The following EPHA6 variants were observed in gnomAD, a reference collection of about 807,000 sequenced individuals.
The protein encoded by EPHA6 is EPH receptor A6.
Under a neutral mutation model 112.0 loss-of-function variants are expected in EPHA6, and 50 were observed. The ratio of observed to expected loss-of-function variants is 0.45; its 90% CI spans 0.36 to 0.56. The LOEUF is 0.56. Ranked by LOEUF, EPHA6 falls within the 20% of genes least tolerant of loss-of-function variation. The probability of loss-of-function intolerance (pLI) is 0.00; values close to 1 mark genes in which losing one functional copy is unlikely to be tolerated. For missense variants in EPHA6, 1,280 were observed against 1,417.4 expected (o/e 0.90, Z 1.56); for synonymous variants, 529 against 490.7 (o/e 1.08, Z -1.03).
chr3:97,576,757 C>T (rs1472671670), intron 11 of EPHA6, among the ~76,000 whole-genome samples: 1 of 151,856 alleles, frequency 6.6e-6, no homozygotes, highest in African/African-American at 2.4e-5. Context: ...TTATTAATCA[C>T]AATTCAACCT....
chr3:97,030,609 AG>A (rs1175986698), intron 3 of EPHA6, among the ~76,000 whole-genome samples: 2 of 152,042 alleles, frequency 1.3e-5, no homozygotes, highest in African/African-American at 4.8e-5. Flanking sequence ...GCTACTTCTT[AG>A]AACTTGGGTG....
intron 3 of EPHA6, among the ~76,000 whole-genome samples, chr3:97,055,306 T>G (rs2045816901): frequency 6.6e-6 from 1 of 152,098 alleles, no homozygotes. Flanking sequence ...ATAGCCTACC[T>G]CATTTAAGTC....
intron 10 of EPHA6, among the ~76,000 whole-genome samples, chr3:97,520,414 C>G (rs1288609919): frequency 6.6e-6 from 1 of 152,100 alleles, no homozygotes; most frequent in Admixed American, 6.5e-5. Flanking sequence ...TAATTAATTC[C>G]CTCTGCTTTT....
intron 10 of EPHA6, among the ~76,000 whole-genome samples, chr3:97,490,819 T>C (rs2091820103): frequency 6.6e-6 from 1 of 152,212 alleles, no homozygotes; most frequent in Admixed American, 6.5e-5. Context: ...TCCTGCACAG[T>C]TGCTCACAAG....
chr3:97,737,113 G>A (rs1423153023), intron 16 of EPHA6, among the ~76,000 whole-genome samples: 2 of 152,036 alleles, frequency 1.3e-5, no homozygotes, highest in Non-Finnish European at 2.9e-5. Flanking sequence ...GCATGAAATA[G>A]CTAGAGATTA....
chr3:96,876,807 T>A (rs2036984462), intron 2 of EPHA6, among the ~76,000 whole-genome samples: 1 of 152,150 alleles, frequency 6.6e-6, no homozygotes, highest in African/African-American at 2.4e-5. Flanking sequence ...TCTATCTCAC[T>A]TTTTCCTATT....
intron 3 of EPHA6, among the ~76,000 whole-genome samples, chr3:97,097,453 G>A (rs547928118): frequency 2.6e-5 from 4 of 151,492 alleles, no homozygotes; most frequent in South Asian, 4.1e-4. Flanking sequence ...TACATTGAAA[G>A]CATTGAATTT....
At chr3:97,589,761 A>G (rs1004409233) in intron 11 of EPHA6, among the ~76,000 whole-genome samples, 13 of 152,212 alleles carry the variant, frequency 8.5e-5, no homozygotes, top group Non-Finnish European at 1.5e-4. Context: ...GAATACTCTT[A>G]TTACATATAA....
chr3:97,706,088 A>G (rs1382437044), intron 14 of EPHA6, among the ~76,000 whole-genome samples: 3 of 152,236 alleles, frequency 2.0e-5, no homozygotes, highest in African/African-American at 7.2e-5. Context: ...CAGTGAATAT[A>G]TTATGCAAGT....
At chr3:97,667,980 T>A (rs948748618) in intron 14 of EPHA6, among the ~76,000 whole-genome samples, 12 of 152,226 alleles carry the variant, frequency 7.9e-5, no homozygotes, top group African/African-American at 2.9e-4. Flanking sequence ...AATTCCTTTG[T>A]TAATTTTTCT....
chr3:97,019,945 T>C (rs919749751), intron 3 of EPHA6, among the ~76,000 whole-genome samples: 36 of 152,354 alleles, frequency 2.4e-4, no homozygotes, highest in African/African-American at 7.9e-4. Context: ...TTCATGCTTT[T>C]TCGCATATAA....
intron 14 of EPHA6, 59 bp downstream of exon 14, chr3:97,638,141 T>A: frequency 8.0e-7 from 1 of 1,253,886 alleles, no homozygotes; most frequent in Non-Finnish European, 1.1e-6. Context: ...TTTAATGTCA[T>A]TAGAGTAATT....
chr3:97,162,742 C>CTA (rs2076444962), intron 3 of EPHA6, among the ~76,000 whole-genome samples: 1 of 152,088 alleles, frequency 6.6e-6, no homozygotes, highest in African/African-American at 2.4e-5. Flanking sequence ...TGTTCTGGGT[C>CTA]TATTTACTGG....
chr3:97,101,154 G>T (rs894399610), intron 3 of EPHA6, among the ~76,000 whole-genome samples: 1 of 151,796 alleles, frequency 6.6e-6, no homozygotes, highest in African/African-American at 2.4e-5. Context: ...AGTAAATTTT[G>T]AACATATAAA....
intron 3 of EPHA6, among the ~76,000 whole-genome samples, chr3:97,157,413 C>T (rs886386374): frequency 6.6e-6 from 1 of 151,968 alleles, no homozygotes; most frequent in Non-Finnish European, 1.5e-5. Context: ...TCAATATATA[C>T]CTGAAATAAT....
intron 2 of EPHA6, among the ~76,000 whole-genome samples, chr3:96,901,113 T>TG (rs1200862785): frequency 6.6e-6 from 1 of 152,184 alleles, no homozygotes; most frequent in Non-Finnish European, 1.5e-5. Flanking sequence ...ATTTGGTCTT[T>TG]GGGGGCAACC....
At chr3:97,038,034 A>C (rs1407909320) in intron 3 of EPHA6, among the ~76,000 whole-genome samples, 1 of 151,972 alleles carries the variant, frequency 6.6e-6, no homozygotes, top group Non-Finnish European at 1.5e-5. Context: ...TTTTTTATTG[A>C]TACATAATGT....
chr3:97,250,769 T>A (rs1216880341), intron 5 of EPHA6, among the ~76,000 whole-genome samples: 1 of 152,238 alleles, frequency 6.6e-6, no homozygotes, highest in Admixed American at 6.5e-5. Flanking sequence ...TTAACTGAAC[T>A]CTGCCTACAA....
chr3:96,995,300 T>C (rs1000875707), intron 3 of EPHA6, among the ~76,000 whole-genome samples: 4 of 152,070 alleles, frequency 2.6e-5, no homozygotes, highest in South Asian at 4.1e-4. Context: ...TTTGAGGATA[T>C]GATGAAAAGC....
Sources: gnomAD v4.1 joint callset for allele counts (sites outside exome capture counted in the v4.1 genomes callset) on GRCh38, gnomAD v4.1.1 for gene constraint, MANE v1.5 for transcripts, NCBI Gene and HGNC (gene_info 2026-07-23, HGNC 2026-07-21) for gene names.